PSME4: variants seen among roughly 807,000 people sequenced by gnomAD.
PSME4 encodes proteasome activator subunit 4, also known as proteasome activator complex subunit 4.
Under a neutral mutation model 253.9 loss-of-function variants are expected in PSME4, and 89 were observed. The ratio of observed to expected loss-of-function variants is 0.35; its 90% CI spans 0.30 to 0.42. PSME4 has a LOEUF of 0.42. Ranked by LOEUF, PSME4 falls within the 10% of genes least tolerant of loss-of-function variation. The pLI, the probability that PSME4 is intolerant of heterozygous loss-of-function variation, is 1.00. For missense variants in PSME4, 2,014 were observed against 2,195.2 expected (o/e 0.92, Z 1.65); for synonymous variants, 851 against 759.2 (o/e 1.12, Z -1.99).
intron 10 of PSME4, among the ~76,000 whole-genome samples, chr2:53,930,855 A>T (rs1558694906): frequency 6.6e-6 from 1 of 152,250 alleles, no homozygotes. Flanking sequence ...AAAAACTAAC[A>T]TTCCTCCTCT....
intron 21 of PSME4, 110 bp downstream of exon 21, chr2:53,909,965 G>C (rs764958173): frequency 2.8e-5 from 27 of 965,832 alleles, no homozygotes; most frequent in Non-Finnish European, 4.5e-5. Context: ...GTGAGACTCT[G>C]TCTCAAAACA....
At chr2:53,915,221 G>A (rs559547751) in intron 20 of PSME4, among the ~76,000 whole-genome samples, 31 of 152,002 alleles carry the variant, frequency 2.0e-4, no homozygotes, top group Non-Finnish European at 4.1e-4. Flanking sequence ...CAGGCAGATC[G>A]CCTGAGCTCG....
chr2:53,892,940 A>G lies in PSME4; in HGVS notation c.4059T>C (p.Asp1353=). The G allele has an allele frequency of 1.9e-6, 3 of 1,613,308 alleles. No homozygotes were observed. The highest frequency in any genetic ancestry group is 2.5e-6 in the Non-Finnish European group (3 of 1,179,698). ...GCTTCAGAACTGGCAGGAAGGCATC[A>G]TCAAAATTCCTGAATATACCCTATA... ...CLFKGIFRNF[D]DAFLPVLKPH... Residue 1353 remains aspartate (D), a synonymous_variant, in exon 36 of 47, where the codon GAT becomes GAC. Coordinates refer to ENST00000404125, the MANE Select transcript of PSME4 (RefSeq NM_014614.3).
At chr2:53,912,081 G>A (rs1312123706) in intron 20 of PSME4, among the ~76,000 whole-genome samples, 1 of 152,040 alleles carries the variant, frequency 6.6e-6, no homozygotes, top group African/African-American at 2.4e-5. Context: ...TTAAAACTTG[G>A]ATTAAAATAC....
Position 53,970,658 on chromosome 2 carries a change from G to C in PSME4, c.127C>G (p.Arg43Gly), listed in dbSNP as rs1671028575. The C allele has an allele frequency of 6.5e-7, 1 of 1,550,148 alleles. No homozygotes were observed. Among genetic ancestry groups the C allele is most frequent in the African/African-American group, 1.4e-5 (1 of 73,056 alleles). The change falls in exon 1 of 47, where the codon CGG (arginine) becomes GGG (glycine). Residue 43 changes from arginine (R) to glycine (G), a missense_variant. Arg to Gly is a moderately radical substitution (Grantham distance 125). Coordinates refer to ENST00000404125, the MANE Select transcript of PSME4 (RefSeq NM_014614.3). ...TGCAAGTCGGACTCGGCGTCTAGCC[G>C]CTCCGCGTAGGGCAGCAGCTTGTTG... Reference protein sequence around the residue: ...VYNKLLPYAERLDAESDLQLA... With the variant: ...VYNKLLPYAEGLDAESDLQLA...
chr2:53,966,285 A>C (rs1456074108), intron 1 of PSME4, among the ~76,000 whole-genome samples: 1 of 152,174 alleles, frequency 6.6e-6, no homozygotes, highest in Non-Finnish European at 1.5e-5. Flanking sequence ...CTCTGTCTCA[A>C]AAAATATAAA....
At chr2:53,908,761 G>A (rs1667681681) in intron 22 of PSME4, 23 bp downstream of exon 22, 1 of 1,550,394 alleles carries the variant, frequency 6.4e-7, no homozygotes, top group South Asian at 1.2e-5. Context: ...GTACAAATAA[G>A]TTAAATGTAC....
At chr2:53,915,663 A>C (rs774715522) in intron 20 of PSME4, among the ~76,000 whole-genome samples, 2 of 152,156 alleles carry the variant, frequency 1.3e-5, no homozygotes, top group Non-Finnish European at 2.9e-5. Flanking sequence ...CTTCCAGAAG[A>C]CAAAGACTAC....
intron 10 of PSME4, among the ~76,000 whole-genome samples, chr2:53,930,410 G>A (rs1490774327): frequency 6.6e-6 from 1 of 152,082 alleles, no homozygotes; most frequent in Non-Finnish European, 1.5e-5. Context: ...GGAGCATCAG[G>A]GAACCTAACA....
intron 1 of PSME4, among the ~76,000 whole-genome samples, chr2:53,967,891 G>A (rs1261765137): frequency 6.6e-6 from 1 of 152,020 alleles, no homozygotes; most frequent in African/African-American, 2.4e-5. Flanking sequence ...AACAGTTCTT[G>A]TAGAAAGATA....
At chr2:53,920,739 G>C in intron 18 of PSME4, 150 bp downstream of exon 18, 1 of 725,076 alleles carries the variant, frequency 1.4e-6, no homozygotes, top group Admixed American at 2.9e-5. Flanking sequence ...TGCAAAGTGA[G>C]ACAGCACAAG....
In PSME4 at chr2:53,921,095, C is replaced by T; in HGVS notation, c.2056G>A (p.Val686Met). ...NLQLLSEITR[V>M]DGRKLLLYRE... Reference sequence around the variant, plus strand: ...TAAAGAAGCAACTTCCTTCCATCCACTCGAGTAATCTAAAAGGAGGGAAAA... The same window carrying T: ...TAAAGAAGCAACTTCCTTCCATCCATTCGAGTAATCTAAAAGGAGGGAAAA... Residue 686 changes from valine (V) to methionine (M), a missense_variant, in exon 18 of 47, where the codon GTG (valine) becomes ATG (methionine). By Grantham distance (21) the Val-to-Met change is conservative (BLOSUM62 1). Transcript: ENST00000404125. The T allele has an allele frequency of 6.2e-7, 1 of 1,613,400 alleles. No homozygotes were observed.
chr2:53,875,705 T>C lies in PSME4; in HGVS notation c.4866A>G (p.Ala1622=), dbSNP rs1679085125. The part of the protein sequence containing the change: ...DNSYDELKRD[A]KLCLSLMSQG... ...GAGACATTAATGATAAACATAACTT[T>C]GCATCTCTTTTCAGTTCATCGTAGC... The change falls in exon 42 of 47, where the codon GCA becomes GCG. Residue 1622 remains alanine (A), a synonymous_variant. Transcript: ENST00000404125. 1 of 1,613,312 alleles carries C rather than the reference T, an allele frequency of 6.2e-7. No homozygotes were observed. The highest frequency in any genetic ancestry group is 8.5e-7 in the Non-Finnish European group (1 of 1,179,364).
intron 43 of PSME4, among the ~76,000 whole-genome samples, chr2:53,871,987 C>T (rs1024848911): frequency 1.3e-5 from 2 of 152,084 alleles, no homozygotes; most frequent in African/African-American, 4.8e-5. Flanking sequence ...GCACTCCCGC[C>T]TGGGCAAAAA....
intron 41 of PSME4, among the ~76,000 whole-genome samples, chr2:53,885,147 T>C (rs1225409002): frequency 2.0e-5 from 3 of 152,208 alleles, no homozygotes; most frequent in Admixed American, 6.5e-5. Context: ...CCTGTGACCT[T>C]AGTTCCACTA....
chr2:53,904,125 G>A lies in PSME4; in HGVS notation c.2975C>T (p.Ala992Val). The A allele has an allele frequency of 6.2e-7, 1 of 1,611,922 alleles. No individual in the cohort carries two copies. Among genetic ancestry groups the A allele is most frequent in the Non-Finnish European group, 8.5e-7 (1 of 1,178,858 alleles). The change falls in exon 27 of 47, where the codon GCT becomes GTT. Residue 992 changes from alanine to valine, a missense_variant. Physicochemically the swap from Ala to Val is moderately conservative, Grantham distance 64. Transcript: ENST00000404125. ...ACAGAAGTTATATGCTCCCAAGGCA[G>A]CAAAAAATGTTTGCTGAGCCTTATT... ...VRNKAQQTFF[A>V]ALGAYNFCCR... is the part of the protein sequence containing the mutation.
chr2:53,967,649 C>CAAAAAAAA (rs71408747), intron 1 of PSME4, among the ~76,000 whole-genome samples: 699 of 21,542 alleles, frequency 0.032, 133 homozygotes, highest in East Asian at 0.1. Context: ...GAGATTGTCT[C>CAAAAAAAA]AAAAAAAAAA....
chr2:53,945,562 G>A (rs920752346), intron 3 of PSME4, among the ~76,000 whole-genome samples: 3 of 152,082 alleles, frequency 2.0e-5, no homozygotes, highest in Non-Finnish European at 4.4e-5. Context: ...GGATGGGAAA[G>A]GTAAAGAGGA....
chr2:53,895,107 G>A (rs754572572), intron 33 of PSME4, 31 bp from the exon 34 acceptor site: 40 of 1,559,814 alleles, frequency 2.6e-5, no homozygotes, highest in African/African-American at 6.9e-5. Flanking sequence ...TTTATCATAC[G>A]CATAGAAAAA....
Sources: gnomAD v4.1 joint callset for allele counts (sites outside exome capture counted in the v4.1 genomes callset) on GRCh38, gnomAD v4.1.1 for gene constraint, MANE v1.5 for transcripts, NCBI Gene and HGNC (gene_info 2026-07-23, HGNC 2026-07-21) for gene names.